Variants in FYB1 observed in about 807,000 individuals in gnomAD.
The protein encoded by FYB1 is FYN-binding protein 1.
FYB1 carries 41 observed loss-of-function variants against 94.1 expected under a neutral mutation model. The ratio of observed to expected loss-of-function variants is 0.44; its 90% CI spans 0.34 to 0.57. The LOEUF (loss-of-function observed/expected upper bound fraction) is 0.57, where lower values mean the gene tolerates loss of function less well. Among genes scored for constraint, FYB1 ranks in the 20% least tolerant of loss-of-function variants. FYB1 has a pLI of 0.02. For synonymous variants in FYB1, 367 were observed against 353.2 expected, an observed-to-expected ratio of 1.04 and a Z score of -0.44; for missense variants, 1,050 against 976.8, an observed-to-expected ratio of 1.07 and a Z score of -1.00.
At position 39,126,133 on chromosome 5, in the gene FYB1, G is replaced by A; in HGVS notation, c.1910C>T (p.Ser637Phe). The change falls in exon 12 of 19, where the codon TCC (serine) becomes TTC (phenylalanine). Residue 637 changes from serine (S) to phenylalanine (F), a missense_variant and splice_region_variant. Coordinates refer to ENST00000512982, the MANE Select transcript of FYB1 (RefSeq NM_001465.6). ...ACTCTTCTCTTGAACCTGTAGTGTGGAGCTTTGGAGCATGCAGGCATTGAT... is the reference window on the plus strand; with the variant it reads ...ACTCTTCTCTTGAACCTGTAGTGTGAAGCTTTGGAGCATGCAGGCATTGAT... Reference protein sequence around the residue: ...GIEEEDADDGSTLQVQEKSNT... With the variant: ...GIEEEDADDGFTLQVQEKSNT... 6.2e-7 allele frequency: 1 copy of A among 1,613,034 alleles called. No homozygotes were observed. Among genetic ancestry groups the A allele is most frequent in the Non-Finnish European group, 8.5e-7 (1 of 1,179,474 alleles).
At position 39,265,706 on chromosome 5, in the gene FYB1, A is replaced by T. The variant is rs973273688; in HGVS notation, c.-28+8697T>A. 2.6e-5 allele frequency among the ~76,000 whole-genome samples: 4 copies of T among 152,138 alleles called. No homozygotes were observed. In the South Asian group the frequency reaches 8.3e-4, roughly 32 times the overall value. ...AAAGAAATGCACATTTCCAGGCCCC[A>T]TCCTTGACCCTCCCAGTGATTCTCA... On this transcript the variant is annotated intron_variant, in intron 1 of 1. Coordinates refer to the FYB1 transcript ENST00000510188.
At chr5:39,117,998 A>G (rs1739729990) in intron 16 of FYB1, among the ~76,000 whole-genome samples, 1 of 152,042 alleles carries the variant, frequency 6.6e-6, no homozygotes. Context: ...CCTCAGCTCA[A>G]GTGATATTTT....
intron 1 of FYB1, among the ~76,000 whole-genome samples, chr5:39,239,374 C>T (rs1023037454): frequency 2.6e-5 from 4 of 152,146 alleles, no homozygotes; most frequent in Admixed American, 6.6e-5. Context: ...GTCAAACTAT[C>T]TCTGTTTGCA....
At chr5:39,107,508 A>G (rs753498733) in intron 18 of FYB1, 43 bp from the exon 19 acceptor site, 1 of 1,376,606 alleles carries the variant, frequency 7.3e-7, no homozygotes, top group Non-Finnish European at 9.9e-7. Context: ...TATTAAAAAC[A>G]TATTCTCTAA....
chr5:39,243,804 T>G (rs1406943168), intron 1 of FYB1, among the ~76,000 whole-genome samples: 1 of 152,220 alleles, frequency 6.6e-6, no homozygotes, highest in African/African-American at 2.4e-5. Flanking sequence ...GTTTGTGTCC[T>G]CTTTTATTTC....
rs937528496 is a variant in FYB1 at position 39,197,698 on chromosome 5, C to T, written c.1135+4128G>A. Reference sequence around the variant, plus strand: ...ATCTATACTGGCTTTGCAGCCTCTCCACCTCTGCTTGGCTGAGTCAGATGC... The same window carrying T: ...ATCTATACTGGCTTTGCAGCCTCTCTACCTCTGCTTGGCTGAGTCAGATGC... On this transcript the variant is annotated intron_variant, in intron 2 of 18. Coordinates refer to ENST00000512982, the MANE Select transcript of FYB1 (RefSeq NM_001465.6). Among the ~76,000 whole-genome samples, 79 of 152,372 alleles carry T rather than the reference C, an allele frequency of 5.2e-4. 1 individual carries two copies. The highest frequency in any genetic ancestry group is 4.3e-4 in the Non-Finnish European group (29 of 68,034).
Position 39,111,635 on chromosome 5 carries a change from T to C in FYB1, c.2402-1246A>G, listed in dbSNP as rs548312204. On this transcript the variant is annotated intron_variant, in intron 16 of 18. Transcript: ENST00000512982. ...ACTACTTTTTAATAAAAACAATTTA[T>C]AAGTATCATATTTGGGAAAGAAAGA... 3.9e-5 allele frequency among the ~76,000 whole-genome samples: 6 copies of C among 152,018 alleles called. No individual in the cohort carries two copies. The South Asian group carries it at 1.2e-3, about 31-fold the overall frequency.
exon 1 of FYB1, chr5:39,274,466 A>G (rs774703984): frequency 1.3e-5 from 2 of 152,208 alleles, no homozygotes; most frequent in East Asian, 3.9e-4. Context: ...GGAAGCCTGC[A>G]GGCCACACTA....
chr5:39,141,827 G>A (rs1007001747), intron 3 of FYB1, among the ~76,000 whole-genome samples: 3 of 150,406 alleles, frequency 2.0e-5, no homozygotes, highest in African/African-American at 4.9e-5. Context: ...AGCTAAGATC[G>A]CACCACTGCA....
chr5:39,112,033 T>G (rs985291192), intron 16 of FYB1, among the ~76,000 whole-genome samples: 1 of 151,974 alleles, frequency 6.6e-6, no homozygotes, highest in African/African-American at 2.4e-5. Context: ...TTTAATGTAA[T>G]TTTTAAAAAG....
At chr5:39,230,530 T>A (rs920327830) in intron 1 of FYB1, among the ~76,000 whole-genome samples, 2 of 152,018 alleles carry the variant, frequency 1.3e-5, no homozygotes, top group African/African-American at 4.8e-5. Context: ...ACAGCATATA[T>A]ATATGTATAT....
chr5:39,109,279 C>A (rs74372919), intron 17 of FYB1, among the ~76,000 whole-genome samples: 62 of 151,948 alleles, frequency 4.1e-4, no homozygotes, highest in African/African-American at 1.4e-3. Flanking sequence ...CATCCAAATG[C>A]GAGCAGGACA....
chr5:39,273,052 C>G (rs577737379), intron 1 of FYB1, among the ~76,000 whole-genome samples: 1 of 152,166 alleles, frequency 6.6e-6, no homozygotes, highest in Non-Finnish European at 1.5e-5. Flanking sequence ...CCAGCCACCC[C>G]GTCCGGGAGG....
chr5:39,107,433 A>G lies in FYB1; in HGVS notation c.*10T>C. 6.5e-7 allele frequency: 1 copy of G among 1,530,072 alleles called. No homozygotes were observed. Among genetic ancestry groups the G allele is most frequent in the Non-Finnish European group, 8.8e-7 (1 of 1,134,474 alleles). 94.8% of individuals were successfully genotyped at this position (1,530,072 alleles called of 1,614,324 possible). A position where few individuals can be genotyped will look rare whatever the true frequency, so the allele number is the denominator to read the frequency against. ...CCTAATGAACACAGCAGAATGACCA[A>G]AGTTGAGTGCTAGTCATTGTCATAG... On this transcript the variant is annotated 3_prime_UTR_variant, in exon 19 of 19. Coordinates refer to ENST00000512982, the MANE Select transcript of FYB1 (RefSeq NM_001465.6).
chr5:39,142,152 G>A (rs1561166664), intron 3 of FYB1, among the ~76,000 whole-genome samples: 1 of 152,144 alleles, frequency 6.6e-6, no homozygotes, highest in East Asian at 1.9e-4. Context: ...CAAACAATTG[G>A]TATTAAATCT....
intron 1 of FYB1, among the ~76,000 whole-genome samples, chr5:39,267,644 T>C (rs1026602786): frequency 6.6e-6 from 1 of 152,206 alleles, no homozygotes; most frequent in South Asian, 2.1e-4. Flanking sequence ...GGGAAGTAAC[T>C]TAATTTTGAA....
At chr5:39,170,333 T>C (rs913263104) in intron 2 of FYB1, 31 of 1,299,246 alleles carry the variant, frequency 2.4e-5, no homozygotes, top group Non-Finnish European at 3.2e-5. Flanking sequence ...AACCAAGACA[T>C]GATGGCAGCA....
chr5:39,163,065 TATC>T (rs1744405787), intron 2 of FYB1, among the ~76,000 whole-genome samples: 1 of 152,170 alleles, frequency 6.6e-6, no homozygotes, highest in Non-Finnish European at 1.5e-5. Flanking sequence ...TAGGTAAAAG[TATC>T]ATTAAAAATT....
intron 16 of FYB1, among the ~76,000 whole-genome samples, chr5:39,112,358 A>C (rs1739146999): frequency 6.6e-6 from 1 of 152,032 alleles, no homozygotes; most frequent in South Asian, 2.1e-4. Flanking sequence ...GATGTTAATA[A>C]TTTAAAAATA....
Sources: allele counts gnomAD v4.1 joint callset (sites outside exome capture counted in the v4.1 genomes callset), GRCh38; gene constraint gnomAD v4.1.1; transcripts MANE v1.5; gene names NCBI Gene and HGNC (gene_info 2026-07-23, HGNC 2026-07-21).